Variants in ZNF566 observed in about 807,000 individuals in gnomAD.
ZNF566 encodes zinc finger protein 566.
A neutral mutation model predicts 32.8 loss-of-function variants in ZNF566; 27 were observed. That is an observed-to-expected ratio of 0.82 (90% CI 0.61 to 1.14). The LOEUF (loss-of-function observed/expected upper bound fraction) is 1.14, where lower values mean the gene tolerates loss of function less well. Ranked by LOEUF, ZNF566 falls within the 50% of genes most tolerant of loss-of-function variation. The probability of loss-of-function intolerance (pLI) is 0.00; values close to 1 mark genes in which losing one functional copy is unlikely to be tolerated. For synonymous variants in ZNF566, 154 were observed against 159.5 expected, an observed-to-expected ratio of 0.97 and a Z score of 0.26; for missense variants, 402 against 490.4, an observed-to-expected ratio of 0.82 and a Z score of 1.70.
At chr19:36,483,487 T>C (rs1364133245) in intron 1 of ZNF566, among the ~76,000 whole-genome samples, 3 of 152,118 alleles carry the variant, frequency 2.0e-5, no homozygotes, top group Non-Finnish European at 4.4e-5. Flanking sequence ...GAACATCTTA[T>C]GTCCCAGAAA....
At chr19:36,464,715 A>C (rs1034106710) in intron 4 of ZNF566, among the ~76,000 whole-genome samples, 2 of 152,078 alleles carry the variant, frequency 1.3e-5, no homozygotes, top group African/African-American at 4.8e-5. Context: ...TAGAAGCTGC[A>C]GTGAGCCGTG....
rs75286787 is a variant in ZNF566, at chr19:36,467,839, A to G, written c.232+5072T>C. ...AAAAAAAAAAAGAAAAAAAGAAGGA[A>G]ATGCAAATTAAAACCACACTGAATT... On this transcript the variant is annotated intron_variant, in intron 4 of 4. Coordinates refer to ENST00000452939, the MANE Select transcript of ZNF566 (RefSeq NM_001145344.1). Among the ~76,000 whole-genome samples the G allele has an allele frequency of 1.0e-3, 154 of 148,548 alleles. 3 individuals carry two copies. In the East Asian group the frequency reaches 0.018, roughly 18 times the overall value.
intron 2 of ZNF566, among the ~76,000 whole-genome samples, chr19:36,474,557 G>C (rs1486217849): frequency 6.6e-6 from 1 of 152,120 alleles, no homozygotes; most frequent in East Asian, 1.9e-4. Flanking sequence ...CTTTAACTTT[G>C]CAATCAGTCA....
intron 4 of ZNF566, among the ~76,000 whole-genome samples, chr19:36,465,010 CA>C (rs1345896910): frequency 3.3e-5 from 5 of 151,926 alleles, no homozygotes; most frequent in Admixed American, 1.3e-4. Flanking sequence ...TGCGATTGAT[CA>C]AAAATGAGTA....
chr19:36,484,465 G>A (rs2034106661), intron 1 of ZNF566, among the ~76,000 whole-genome samples: 1 of 151,980 alleles, frequency 6.6e-6, no homozygotes, highest in African/African-American at 2.4e-5. Context: ...AGAAATGATA[G>A]AAGGAGAAAA....
At chr19:36,461,437 G>C (rs1287994267) in intron 4 of ZNF566, among the ~76,000 whole-genome samples, 1 of 152,166 alleles carries the variant, frequency 6.6e-6, no homozygotes, top group African/African-American at 2.4e-5. Flanking sequence ...TTGGGAGTCC[G>C]AGGCAGGTGG....
intron 4 of ZNF566, among the ~76,000 whole-genome samples, chr19:36,471,213 CAAAA>C (rs66905791): frequency 1.9e-5 from 2 of 107,478 alleles, no homozygotes; most frequent in Non-Finnish European, 1.9e-5. Context: ...GACTCTGTCT[CAAAA>C]AAAAAAAAAA....
Position 36,476,627 on chromosome 19 carries a change from C to T in ZNF566, c.-59-11G>A, listed in dbSNP as rs1600170801. ...TGGAGAAGGGTAGAGCTGGGAGAGG[C>T]AAAAGAAGATAGATAAGACCCCACT... On this transcript the variant is annotated splice_polypyrimidine_tract_variant and intron_variant, in intron 1 of 4. Coordinates refer to ENST00000452939, the MANE Select transcript of ZNF566 (RefSeq NM_001145344.1). 5.0e-6 allele frequency: 8 copies of T among 1,605,146 alleles called. 1 individual carries two copies. In the South Asian group the frequency reaches 7.9e-5, roughly 16 times the overall value.
At chr19:36,484,590 T>TC (rs201958115) in intron 1 of ZNF566, among the ~76,000 whole-genome samples, 3,046 of 142,320 alleles carry the variant, frequency 0.021, 47 homozygotes, top group Middle Eastern at 0.049. Context: ...ATAGTTTCTT[T>TC]TTTTTTTTTT....
At chr19:36,466,324 TGAGGTTTGGTTTCAG>T (rs1470759843) in intron 4 of ZNF566, among the ~76,000 whole-genome samples, 4 of 148,592 alleles carry the variant, frequency 2.7e-5, no homozygotes, top group African/African-American at 5.0e-5. Flanking sequence ...TGAGGACAGT[TGAGGTTTGGTTTCAG>T]GACCATGGCA....
At chr19:36,468,507 A>G (rs1027288508) in intron 4 of ZNF566, among the ~76,000 whole-genome samples, 3 of 151,380 alleles carry the variant, frequency 2.0e-5, no homozygotes, top group African/African-American at 7.3e-5. Context: ...TCGGGAGGCT[A>G]AGGCATGAGA....
chr19:36,453,100 AG>A (rs1198680987), intron 4 of ZNF566, among the ~76,000 whole-genome samples: 1 of 151,752 alleles, frequency 6.6e-6, no homozygotes, highest in Non-Finnish European at 1.5e-5. Context: ...CCTGGGCAAC[AG>A]AGCAAGACTC....
chr19:36,457,026 C>A (rs553001868), intron 4 of ZNF566, among the ~76,000 whole-genome samples: 10 of 152,252 alleles, frequency 6.6e-5, no homozygotes, highest in African/African-American at 2.4e-4. Context: ...ATCAAAACAG[C>A]ACGGCACTGG....
At chr19:36,489,148 C>A (rs1303016844) in intron 1 of ZNF566, among the ~76,000 whole-genome samples, 1 of 152,186 alleles carries the variant, frequency 6.6e-6, no homozygotes, top group Non-Finnish European at 1.5e-5. Context: ...CTGCCGCACA[C>A]AGTCACACAG....
rs1444218519 is a variant in ZNF566, at chr19:36,447,699, A to T, written c.*1278T>A. Reference sequence around the variant, plus strand: ...TCTTTTTTACTGGGTATATAATGCGACAAAAAGAGTATTAGTCGGAATAAA... The same window carrying T: ...TCTTTTTTACTGGGTATATAATGCGTCAAAAAGAGTATTAGTCGGAATAAA... On this transcript the variant is annotated 3_prime_UTR_variant, in exon 5 of 5. Coordinates refer to ENST00000452939, the MANE Select transcript of ZNF566 (RefSeq NM_001145344.1). The T allele has an allele frequency of 2.0e-5, 3 of 152,090 alleles. No homozygotes were observed. Among genetic ancestry groups the T allele is most frequent in the Non-Finnish European group, 4.4e-5 (3 of 68,030 alleles). The allele number at this position is 152,090 out of a possible 1,614,324, so 9.4% of individuals were successfully genotyped here.
At chr19:36,482,660 G>C (rs1274220907) in intron 1 of ZNF566, among the ~76,000 whole-genome samples, 1 of 152,150 alleles carries the variant, frequency 6.6e-6, no homozygotes, top group Non-Finnish European at 1.5e-5. Flanking sequence ...CACAGGTCCA[G>C]GTTGGCAACT....
At chr19:36,457,561 T>C (rs2033347642) in intron 4 of ZNF566, among the ~76,000 whole-genome samples, 1 of 152,152 alleles carries the variant, frequency 6.6e-6, no homozygotes, top group South Asian at 2.1e-4. Flanking sequence ...TCAACATTAC[T>C]AATCATCAGG....
Position 36,471,225 on chromosome 19 carries a change from A to T in ZNF566, c.232+1686T>A, listed in dbSNP as rs531086625. On this transcript the variant is annotated intron_variant, in intron 4 of 4. Coordinates refer to ENST00000452939, the MANE Select transcript of ZNF566 (RefSeq NM_001145344.1). ...CGAGACTCTGTCTCAAAAAAAAAAAAAAAAAAATAATGAGTTGCATCAAGC... is the reference window on the plus strand; with the variant it reads ...CGAGACTCTGTCTCAAAAAAAAAAATAAAAAAATAATGAGTTGCATCAAGC... 9.5e-3 allele frequency among the ~76,000 whole-genome samples: 1,441 copies of T among 152,044 alleles called. 28 individuals carry two copies. The highest frequency in any genetic ancestry group is 0.034 in the African/African-American group (1,391 of 41,454).
intron 4 of ZNF566, 120 bp from the exon 5 acceptor site, chr19:36,450,121 T>A (rs984628407): frequency 6.5e-6 from 5 of 771,150 alleles, no homozygotes; most frequent in Non-Finnish European, 6.1e-6. Flanking sequence ...AAAAAGAGAG[T>A]TAGAAGACAG....
Sources: gnomAD v4.1 joint callset for allele counts (sites outside exome capture counted in the v4.1 genomes callset) on GRCh38, gnomAD v4.1.1 for gene constraint, MANE v1.5 for transcripts, NCBI Gene and HGNC (gene_info 2026-07-23, HGNC 2026-07-21) for gene names.